DYSF: variants seen among roughly 807,000 people sequenced by gnomAD.
DYSF encodes dysferlin.
DYSF carries 212 observed loss-of-function variants against 274.9 expected under a neutral mutation model. The observed-to-expected ratio is 0.77, with a 90% CI of 0.69 to 0.86. DYSF has a LOEUF of 0.86. Ranked by LOEUF, DYSF falls within the 40% of genes least tolerant of loss-of-function variation. The pLI is 0.00. For missense variants in DYSF, 2,666 were observed against 2,783.2 expected, an observed-to-expected ratio of 0.96 and a Z score of 0.95; for synonymous variants, 1,091 against 1,078.7, an observed-to-expected ratio of 1.01 and a Z score of -0.22.
At chr2:71,471,708 G>A (rs750815933) in intron 1 of DYSF, among the ~76,000 whole-genome samples, 12 of 152,046 alleles carry the variant, frequency 7.9e-5, no homozygotes, top group Non-Finnish European at 1.3e-4. Flanking sequence ...GGTGGCTCAC[G>A]CCTGTAATCC....
In DYSF at chr2:71,551,700, G is replaced by T; in HGVS notation, c.1786G>T (p.Asp596Tyr). The part of the protein sequence containing the change: ...SEQKVEDLPA[D>Y]DILRVEKYLR... ...ACAGAAGGTGGAGGACCTTCCTGCG[G>T]ATGACATCCTCCGGGTGGAGGTGAG... Residue 596 changes from aspartate to tyrosine, a missense_variant, in exon 19 of 56, where the codon GAT (aspartate) becomes TAT (tyrosine). Physicochemically the swap from Asp to Tyr is radical, Grantham distance 160. This residue lies in a region of DYSF where 794 missense variants were observed against 777.1 expected (regional missense o/e 1.02). Transcript: ENST00000410020. The T allele has an allele frequency of 1.2e-6, 2 of 1,609,344 alleles. 1 individual carries two copies. The highest frequency in any genetic ancestry group is 2.2e-5 in the South Asian group (2 of 89,614).
chr2:71,547,168 C>T (rs556092099), intron 17 of DYSF, among the ~76,000 whole-genome samples: 114 of 152,340 alleles, frequency 7.5e-4, no homozygotes, highest in African/African-American at 2.5e-3. Flanking sequence ...GGTCACTGTG[C>T]TCTTGAACTG....
At chr2:71,649,103 C>A (rs1184436457) in intron 42 of DYSF, among the ~76,000 whole-genome samples, 3 of 133,980 alleles carry the variant, frequency 2.2e-5, no homozygotes, top group Non-Finnish European at 4.6e-5. Flanking sequence ...CACCACTGCA[C>A]TCTAGCCTGG....
chr2:71,664,520 C>T, intron 46 of DYSF, 82 bp downstream of exon 46: 1 of 1,558,246 alleles, frequency 6.4e-7, no homozygotes, highest in Non-Finnish European at 8.8e-7. Flanking sequence ...CCACTGAGCA[C>T]TTACTGTGTG....
rs2091078877 is a variant in DYSF at position 71,553,172 on chromosome 2, C to A, written c.1968C>A (p.Ser656Arg). Reference protein sequence around the residue: ...CLPLASTTQYSRAVFDGCHYY... With the variant: ...CLPLASTTQYRRAVFDGCHYY... ...CGCTGGCCTCCACCACTCAGTACAG[C>A]CGTGCAGTCTTTGACGGTGAGGCAG... is the stretch of plus-strand genomic sequence containing the variant. Residue 656 changes from serine to arginine, a missense_variant, in exon 20 of 56, where the codon AGC becomes AGA. Transcript: ENST00000410020. 7.4e-6 allele frequency: 12 copies of A among 1,614,114 alleles called. No individual in the cohort carries two copies. The highest frequency in any genetic ancestry group is 9.3e-6 in the Non-Finnish European group (11 of 1,180,036).
intron 7 of DYSF, among the ~76,000 whole-genome samples, chr2:71,514,147 TAAAAAAAAA>T (rs5832057): frequency 8.0e-6 from 1 of 125,190 alleles, no homozygotes; most frequent in African/African-American, 3.1e-5. Flanking sequence ...GTTTTGCGCT[TAAAAAAAAA>T]AAAAAAAAAA....
chr2:71,601,768 C>G (rs916078194), intron 35 of DYSF, among the ~76,000 whole-genome samples: 1 of 152,246 alleles, frequency 6.6e-6, no homozygotes, highest in Non-Finnish European at 1.5e-5. Context: ...ATGGAAGGAT[C>G]CTCATAATTG....
chr2:71,564,053 T>C lies in DYSF; in HGVS notation c.2410-5T>C, dbSNP rs2091942811. On this transcript the variant is annotated splice_region_variant and splice_polypyrimidine_tract_variant and intron_variant, in intron 23 of 55. Transcript: ENST00000410020. ...TCCCCACCCCGACCACCACCCTCTG[T>C]TCAGCCCCAGAACAGCCTGCCGGAC... is the stretch of plus-strand genomic sequence containing the variant. The C allele has an allele frequency of 6.2e-7, 1 of 1,613,984 alleles. No individual in the cohort carries two copies.
At chr2:71,502,965 G>T (rs959873989) in intron 3 of DYSF, among the ~76,000 whole-genome samples, 2 of 152,132 alleles carry the variant, frequency 1.3e-5, no homozygotes, top group African/African-American at 4.8e-5. Flanking sequence ...GGGTCAAGGT[G>T]GACCTTGGAG....
In DYSF at chr2:71,682,628, T is replaced by G. The variant is rs2095310340; in HGVS notation, c.6272T>G (p.Ile2091Ser). ...RFRWAIILFI[I>S]LFILLLFLAI... ...CGGTGGGCCATCATCCTCTTCATCA[T>G]CCTCTTCATCCTGCTGCTGTTCCTG... Residue 2091 changes from isoleucine to serine, a missense_variant, in exon 55 of 56, where the codon ATC becomes AGC. Around this residue, in one of 3 missense-constraint regions of DYSF, gnomAD observed 1,460 missense variants for 1,502.1 expected, o/e 0.97. Transcript: ENST00000410020. 8 of 1,614,134 alleles carry G rather than the reference T, an allele frequency of 5.0e-6. No homozygotes were observed. Among genetic ancestry groups the G allele is most frequent in the Non-Finnish European group, 5.9e-6 (7 of 1,180,020 alleles).
chr2:71,666,113 G>T (rs1287340329), intron 47 of DYSF, among the ~76,000 whole-genome samples: 2 of 150,446 alleles, frequency 1.3e-5, no homozygotes, highest in African/African-American at 4.9e-5. Flanking sequence ...GCCATAAGGC[G>T]CCCCCAGCCC....
intron 1 of DYSF, among the ~76,000 whole-genome samples, chr2:71,471,689 G>A (rs12611717): frequency 0.27 from 40,531 of 152,040 alleles, 5,810 homozygotes; most frequent in Non-Finnish European, 0.32. Flanking sequence ...AAACCAGGGG[G>A]CCGGGTGTGG....
chr2:71,556,043 C>G lies in DYSF; in HGVS notation c.2188C>G (p.Leu730Val). The G allele has an allele frequency of 6.3e-7, 1 of 1,577,302 alleles. No individual in the cohort carries two copies. Among genetic ancestry groups the G allele is most frequent in the Non-Finnish European group, 8.6e-7 (1 of 1,162,302 alleles). ...TEDVDSLVAQ[L>V]TDELIAGCSQ... ...GGACGTGGACTCGCTGGTGGCTCAG[C>G]TGACGGATGAGCTCATCGCAGGCTG... The change falls in exon 22 of 56, where the codon CTG becomes GTG. Residue 730 changes from leucine (L) to valine (V), a missense_variant. Leu to Val is a conservative substitution (Grantham distance 32). This residue lies in a region of DYSF where 412 missense variants were observed against 504.0 expected (regional missense o/e 0.82). Coordinates refer to ENST00000410020, the MANE Select transcript of DYSF (RefSeq NM_001130987.2).
At chr2:71,505,837 G>C (rs923975073) in intron 4 of DYSF, among the ~76,000 whole-genome samples, 1 of 152,254 alleles carries the variant, frequency 6.6e-6, no homozygotes, top group African/African-American at 2.4e-5. Flanking sequence ...AGCCAGAATC[G>C]GATCACAAAG....
intron 14 of DYSF, among the ~76,000 whole-genome samples, chr2:71,530,798 C>T (rs1199039903): frequency 2.0e-5 from 3 of 152,182 alleles, no homozygotes. Context: ...CTGTCCCTCT[C>T]TTTTAGCCTG....
intron 1 of DYSF, among the ~76,000 whole-genome samples, chr2:71,472,438 A>T (rs543558892): frequency 2.3e-4 from 35 of 152,198 alleles, no homozygotes; most frequent in African/African-American, 8.4e-4. Context: ...ACAGAGTCTC[A>T]TTCTGTCGCC....
intron 40 of DYSF, among the ~76,000 whole-genome samples, chr2:71,618,567 T>TGTGTGGGGTAGAGTTGTG (rs2093995870): frequency 1.3e-4 from 2 of 14,944 alleles, no homozygotes; most frequent in Non-Finnish European, 1.4e-4. Context: ...GGAGTGTGTG[T>TGTGTGGGGTAGAGTTGTG]TTGTGTGGGG....
chr2:71,600,887 G>A, intron 34 of DYSF, 45 bp downstream of exon 34: 2 of 1,601,846 alleles, frequency 1.2e-6, no homozygotes, highest in African/African-American at 1.3e-5. Flanking sequence ...AGGCAGGAGT[G>A]GGGTGGGGGC....
chr2:71,658,896 C>G lies in DYSF; in HGVS notation c.4774C>G (p.Pro1592Ala). 1 of 1,614,104 alleles carries G rather than the reference C, an allele frequency of 6.2e-7. No individual in the cohort carries two copies. The highest frequency in any genetic ancestry group is 8.5e-7 in the Non-Finnish European group (1 of 1,180,004). Residue 1592 changes from proline to alanine, a missense_variant, in exon 44 of 56, where the codon CCC becomes GCC. Around this residue, in one of 3 missense-constraint regions of DYSF, gnomAD observed 1,460 missense variants for 1,502.1 expected, o/e 0.97. Transcript: ENST00000410020. ...GEFKGLFKIY[P>A]LPEDPAIPMP... ...TTTTCAGGGCCTCTTCAAAATTTAT[C>G]CCCTCCCAGAAGACCCAGCCATCCC...
Sources: allele counts gnomAD v4.1 joint callset (sites outside exome capture counted in the v4.1 genomes callset), GRCh38; gene constraint gnomAD v4.1.1; regional missense constraint gnomAD v4.1.1; transcripts MANE v1.5; gene names NCBI Gene and HGNC (gene_info 2026-07-23, HGNC 2026-07-21).